MICAL2: variants seen among roughly 807,000 people sequenced by gnomAD.
MICAL2 encodes microtubule associated monooxygenase, calponin and LIM domain containing 2.
A neutral mutation model predicts 127.3 loss-of-function variants in MICAL2; 77 were observed. The ratio of observed to expected loss-of-function variants is 0.60; its 90% CI spans 0.50 to 0.73. The LOEUF is 0.73. MICAL2 is among the 30% of genes least tolerant of loss of function. The pLI, the probability that MICAL2 is intolerant of heterozygous loss-of-function variation, is 0.00. For synonymous variants in MICAL2, 570 were observed against 551.1 expected, an observed-to-expected ratio of 1.03 and a Z score of -0.48; for missense variants, 1,351 against 1,434.4, an observed-to-expected ratio of 0.94 and a Z score of 0.94.
intron 15 of MICAL2, among the ~76,000 whole-genome samples, chr11:12,235,314 G>A (rs1022541157): frequency 3.3e-5 from 5 of 152,194 alleles, no homozygotes; most frequent in Admixed American, 3.3e-4. Flanking sequence ...AGCCCTTGCA[G>A]GGTGATGCAA....
intron 20 of MICAL2, 150 bp from the exon 21 acceptor site, chr11:12,243,837 A>G (rs1860324438): frequency 6.6e-6 from 6 of 907,694 alleles, no homozygotes; most frequent in Non-Finnish European, 1.0e-5. Context: ...TTCTGGCTCC[A>G]AAGACAGGGG....
chr11:12,155,961 G>T (rs1854143661), intron 2 of MICAL2, among the ~76,000 whole-genome samples: 1 of 152,266 alleles, frequency 6.6e-6, no homozygotes, highest in Non-Finnish European at 1.5e-5. Context: ...AATGGATGAG[G>T]TGAGGAAGGG....
chr11:12,184,106 C>T (rs1026895363), intron 3 of MICAL2, among the ~76,000 whole-genome samples: 23 of 152,198 alleles, frequency 1.5e-4, no homozygotes, highest in Non-Finnish European at 2.6e-4. Flanking sequence ...AAGCATGTTA[C>T]TTCACCTCTC....
Position 12,355,829 on chromosome 11 carries a change from T to C in MICAL2, c.5689+972T>C, listed in dbSNP as rs138343132. Among the ~76,000 whole-genome samples the C allele has an allele frequency of 3.3e-3, 509 of 152,346 alleles. 2 individuals are homozygous for C. The highest frequency in any genetic ancestry group is 0.011 in the African/African-American group (474 of 41,574). Reference sequence around the variant, plus strand: ...CAGTAATTTGCAGACTGTTTCTTTATAGCAACAGAATTCTAACAAAATCCT... The same window carrying C: ...CAGTAATTTGCAGACTGTTTCTTTACAGCAACAGAATTCTAACAAAATCCT... On this transcript the variant is annotated intron_variant, in intron 34 of 34. Coordinates refer to the MICAL2 transcript ENST00000646065.
chr11:12,226,649 TG>T (rs138542709), intron 14 of MICAL2, among the ~76,000 whole-genome samples: 2 of 139,168 alleles, frequency 1.4e-5, no homozygotes, highest in African/African-American at 2.7e-5. Flanking sequence ...TGTTTGTTTT[TG>T]GTTTTTTTTT....
At position 12,153,024 on chromosome 11, in the gene MICAL2, A is replaced by C. The variant is rs191542759; in HGVS notation, c.-77-9055A>C. ...ACATAACATACAATTTATCATTTTA[A>C]CCTTTTTTTTGTTTGTTTGTTTTGA... On this transcript the variant is annotated intron_variant, in intron 2 of 27. Transcript: ENST00000683283. Among the ~76,000 whole-genome samples, 22 of 151,676 alleles carry C rather than the reference A, an allele frequency of 1.5e-4. No homozygotes were observed. In the East Asian group the frequency reaches 4.1e-3, roughly 28 times the overall value.
chr11:12,295,195 A>G (rs1863970765), downstream of MICAL2, among the ~76,000 whole-genome samples: 1 of 150,978 alleles, frequency 6.6e-6, no homozygotes, highest in Non-Finnish European at 1.5e-5. Context: ...GCTGGAGTGC[A>G]GTGGCATGAT....
chr11:12,223,323 A>C, intron 11 of MICAL2, 88 bp from the exon 12 acceptor site: 1 of 1,139,096 alleles, frequency 8.8e-7, no homozygotes. Context: ...GGTGGCAGGC[A>C]CTGAATTGGG....
At chr11:12,312,338 C>CT (rs141672182) in intron 29 of MICAL2, among the ~76,000 whole-genome samples, 196 of 142,354 alleles carry the variant, frequency 1.4e-3, no homozygotes, top group South Asian at 3.3e-3. Context: ...CATTTCTCAA[C>CT]TTTTTTTTTT....
chr11:12,155,046 G>A (rs535184332), intron 2 of MICAL2, among the ~76,000 whole-genome samples: 102 of 152,250 alleles, frequency 6.7e-4, no homozygotes, highest in African/African-American at 2.3e-3. Flanking sequence ...GATGGTAAAG[G>A]CCTGGTACAC....
At chr11:12,294,304 G>A (rs746073389), downstream of MICAL2, 5 of 1,614,070 alleles carry the variant, frequency 3.1e-6, no homozygotes, top group African/African-American at 5.3e-5. Flanking sequence ...CTGAAGGCGG[G>A]AAGAAGGCCT....
At chr11:12,221,864 C>T (rs958913229) in intron 10 of MICAL2, 105 bp downstream of exon 10, 7 of 795,636 alleles carry the variant, frequency 8.8e-6, no homozygotes, top group Non-Finnish European at 1.4e-5. Context: ...GGAGCCTCTG[C>T]CTCCTCCATT....
At chr11:12,182,525 A>G (rs1857604406) in intron 3 of MICAL2, among the ~76,000 whole-genome samples, 1 of 152,160 alleles carries the variant, frequency 6.6e-6, no homozygotes, top group African/African-American at 2.4e-5. Context: ...GGAAATTGTC[A>G]GAAACGTAAA....
At chr11:12,253,301 C>T (rs1327475926) in intron 22 of MICAL2, 2 of 152,414 alleles carry the variant, frequency 1.3e-5, no homozygotes, top group Non-Finnish European at 1.5e-5. Context: ...AGAGCTGCCA[C>T]CTCGCTGTCT....
Position 12,118,699 on chromosome 11 carries a change from C to T in MICAL2, c.-149+7973C>T, listed in dbSNP as rs187461936. 1.7e-3 allele frequency among the ~76,000 whole-genome samples: 261 copies of T among 152,320 alleles called. 1 individual carries two copies. The highest frequency in any genetic ancestry group is 6.8e-3 in the Middle Eastern group (2 of 294). ...AAAAGCACTAAGACAGACCTGGGCT[C>T]AAATCCGAGCCCTGTGGCCTTGGGC... On this transcript the variant is annotated intron_variant, in intron 1 of 27. Coordinates refer to ENST00000683283, the MANE Select transcript of MICAL2 (RefSeq NM_001282663.2).
chr11:12,282,039 A>C (rs553998221), intron 2 of MICAL2, among the ~76,000 whole-genome samples: 1 of 152,222 alleles, frequency 6.6e-6, no homozygotes, highest in African/African-American at 2.4e-5. Flanking sequence ...CCTGGTGGTC[A>C]TGAGCAGAAT....
chr11:12,158,295 C>A (rs1351638897), intron 2 of MICAL2, among the ~76,000 whole-genome samples: 2 of 152,146 alleles, frequency 1.3e-5, no homozygotes, highest in Non-Finnish European at 2.9e-5. Context: ...GAAAGCTAGT[C>A]TCAGTAGTCT....
intron 3 of MICAL2, among the ~76,000 whole-genome samples, chr11:12,182,501 G>A (rs572301648): frequency 4.0e-4 from 61 of 152,126 alleles, no homozygotes; most frequent in African/African-American, 1.4e-3. Context: ...CACACGACAC[G>A]ATTCCTAGCG....
intron 6 of MICAL2, 91 bp downstream of exon 6, chr11:12,209,689 G>A: frequency 2.6e-6 from 3 of 1,158,412 alleles, no homozygotes. Context: ...GCAAGATGCA[G>A]ATGCCAGAGC....
Sources: gnomAD v4.1 joint callset for allele counts (sites outside exome capture counted in the v4.1 genomes callset) on GRCh38, gnomAD v4.1.1 for gene constraint, MANE v1.5 for transcripts, NCBI Gene and HGNC (gene_info 2026-07-23, HGNC 2026-07-21) for gene names.